Variants in ETV1 observed in about 807,000 individuals in gnomAD.
ETV1 encodes the protein ETS variant transcription factor 1, also known as ETS translocation variant 1.
A neutral mutation model predicts 62.3 loss-of-function variants in ETV1; 27 were observed. The ratio of observed to expected loss-of-function variants is 0.43; its 90% CI spans 0.32 to 0.60. The LOEUF (loss-of-function observed/expected upper bound fraction) is 0.60, where lower values mean the gene tolerates loss of function less well. Ranked by LOEUF, ETV1 falls within the 20% of genes least tolerant of loss-of-function variation. The pLI is 0.06. For synonymous variants in ETV1, 222 were observed against 199.6 expected, an observed-to-expected ratio of 1.11 and a Z score of -0.94; for missense variants, 605 against 605.8, an observed-to-expected ratio of 1.00 and a Z score of 0.01.
At chr7:13,984,069 T>A (rs1782274339) in intron 5 of ETV1, among the ~76,000 whole-genome samples, 1 of 151,938 alleles carries the variant, frequency 6.6e-6, no homozygotes, top group Non-Finnish European at 1.5e-5. Flanking sequence ...TTTGAGGACT[T>A]TTATAATTTT....
At chr7:13,912,860 A>T (rs1783702292) in intron 9 of ETV1, among the ~76,000 whole-genome samples, 1 of 152,208 alleles carries the variant, frequency 6.6e-6, no homozygotes, top group Non-Finnish European at 1.5e-5. Context: ...TATGACTATC[A>T]GAGTGGGTCA....
intron 11 of ETV1, chr7:13,907,775 A>G (rs1443340384): frequency 2.2e-6 from 1 of 465,072 alleles, no homozygotes; most frequent in Non-Finnish European, 4.4e-6. Flanking sequence ...ACCAAATTGC[A>G]CACTTTCTAA....
chr7:13,977,609 G>C, intron 5 of ETV1, 129 bp from the exon 6 acceptor site: 1 of 649,070 alleles, frequency 1.5e-6, no homozygotes, highest in Non-Finnish European at 2.7e-6. Flanking sequence ...TTGCCAATGA[G>C]CTCCTATTTA....
chr7:13,909,818 T>C (rs1208238374), intron 10 of ETV1, 118 bp from the exon 11 acceptor site: 1 of 829,046 alleles, frequency 1.2e-6, no homozygotes, highest in African/African-American at 1.7e-5. Flanking sequence ...CACCTTTCAG[T>C]TCCTTGAGCC....
chr7:13,927,886 T>A (rs1280846640), intron 9 of ETV1, among the ~76,000 whole-genome samples: 1 of 152,160 alleles, frequency 6.6e-6, no homozygotes. Flanking sequence ...AATATTGAAA[T>A]TAGAACTCAA....
At chr7:13,935,276 A>G (rs1474803512) in intron 8 of ETV1, among the ~76,000 whole-genome samples, 1 of 152,224 alleles carries the variant, frequency 6.6e-6, no homozygotes, top group African/African-American at 2.4e-5. Context: ...ATATTCTGCA[A>G]AACTATGTAC....
chr7:13,950,238 C>T (rs2128471140), intron 6 of ETV1, among the ~76,000 whole-genome samples: 1 of 152,164 alleles, frequency 6.6e-6, no homozygotes, highest in Non-Finnish European at 1.5e-5. Context: ...ATCAATATGC[C>T]CCCACCTTGC....
intron 8 of ETV1, among the ~76,000 whole-genome samples, chr7:13,933,196 T>C (rs1786392602): frequency 6.6e-6 from 1 of 152,188 alleles, no homozygotes. Flanking sequence ...TAATAATACT[T>C]GTAACTGAAA....
chr7:13,970,142 T>C (rs944034599), intron 6 of ETV1, among the ~76,000 whole-genome samples: 14 of 150,646 alleles, frequency 9.3e-5, no homozygotes, highest in Non-Finnish European at 1.9e-4. Context: ...GCGCCTGTGG[T>C]CCCAGCTAGC....
intron 4 of ETV1, chr7:13,987,131 A>G (rs1782619897): frequency 6.4e-6 from 1 of 156,482 alleles, no homozygotes; most frequent in South Asian, 2.0e-4. Flanking sequence ...ATAATGGTAC[A>G]TGGTACAACT....
At chr7:13,940,404 T>C (rs1046129872) in intron 6 of ETV1, among the ~76,000 whole-genome samples, 4 of 151,804 alleles carry the variant, frequency 2.6e-5, no homozygotes, top group South Asian at 2.1e-4. Flanking sequence ...AAAAAAGCTA[T>C]ATATTTTTTA....
Position 13,891,502 on chromosome 7 carries a change from A to G in ETV1, c.*4364T>C, listed in dbSNP as rs1203545148. Reference sequence around the variant, plus strand: ...ACTTGTAACTGAAAATTCTGAAATCATTAATATTTCTATAAAGATATCCAC... The same window carrying G: ...ACTTGTAACTGAAAATTCTGAAATCGTTAATATTTCTATAAAGATATCCAC... On this transcript the variant is annotated 3_prime_UTR_variant, in exon 14 of 14. Transcript: ENST00000430479. 8.6e-6 allele frequency: 2 copies of G among 231,698 alleles called. No individual in the cohort carries two copies. The highest frequency in any genetic ancestry group is 1.7e-5 in the Non-Finnish European group (2 of 117,242). 14.4% of individuals were successfully genotyped at this position (231,698 alleles called of 1,614,324 possible).
chr7:13,919,591 C>A (rs956442137), intron 9 of ETV1, among the ~76,000 whole-genome samples: 2 of 147,230 alleles, frequency 1.4e-5, no homozygotes, highest in Non-Finnish European at 3.0e-5. Flanking sequence ...CACACACACA[C>A]ACACACACAC....
rs1781562344 is a variant in ETV1 at position 13,977,415 on chromosome 7, T to C, written c.235+12A>G. 1 of 1,504,906 alleles carries C rather than the reference T, an allele frequency of 6.6e-7. No homozygotes were observed. The highest frequency in any genetic ancestry group is 9.0e-7 in the Non-Finnish European group (1 of 1,106,278). The allele number at this position is 1,504,906 out of a possible 1,614,324, so 93.2% of individuals were successfully genotyped here. A position where few individuals can be genotyped will look rare whatever the true frequency, so the allele number is the denominator to read the frequency against. On this transcript the variant is annotated intron_variant, in intron 6 of 13. Transcript: ENST00000430479. ...ACAGAAAAATACAAGAGATGAGTCA[T>C]ACTATACTTACAACTTTCAGCCTGA... is the stretch of plus-strand genomic sequence containing the variant.
In ETV1 at chr7:13,903,354, A is replaced by G. The variant is rs538975617; in HGVS notation, c.1111-2515T>C. 1.6e-4 allele frequency among the ~76,000 whole-genome samples: 25 copies of G among 152,328 alleles called. No individual in the cohort carries two copies. The East Asian group carries it at 4.8e-3, about 29-fold the overall frequency. On this transcript the variant is annotated intron_variant, in intron 12 of 13. Transcript: ENST00000430479. ...GCTTGAATATGTAACACTGAACCTG[A>G]TAACAACAATCAGGGCCTGGCTATC...
chr7:13,910,340 C>T (rs905417345), intron 10 of ETV1, among the ~76,000 whole-genome samples: 10 of 145,960 alleles, frequency 6.9e-5, no homozygotes, highest in African/African-American at 1.0e-4. Context: ...TGTGAACTTT[C>T]GTTGTTGCTA....
intron 10 of ETV1, among the ~76,000 whole-genome samples, chr7:13,910,108 A>G (rs1783408974): frequency 6.6e-6 from 1 of 151,948 alleles, no homozygotes; most frequent in Non-Finnish European, 1.5e-5. Context: ...TTCACATTAT[A>G]TTATTAGTCT....
At chr7:13,981,544 T>TATATATAC (rs68083019) in intron 5 of ETV1, among the ~76,000 whole-genome samples, 21 of 150,846 alleles carry the variant, frequency 1.4e-4, no homozygotes, top group Non-Finnish European at 1.8e-4. Flanking sequence ...TATATATATA[T>TATATATAC]ACACACACAC....
chr7:13,944,859 G>A (rs573298590), intron 6 of ETV1, among the ~76,000 whole-genome samples: 17 of 152,204 alleles, frequency 1.1e-4, no homozygotes, highest in African/African-American at 3.6e-4. Context: ...TATAAAAGGG[G>A]GAATCTGGAT....
Sources: gnomAD v4.1 joint callset for allele counts (sites outside exome capture counted in the v4.1 genomes callset) on GRCh38, gnomAD v4.1.1 for gene constraint, MANE v1.5 for transcripts, NCBI Gene and HGNC (gene_info 2026-07-23, HGNC 2026-07-21) for gene names.